LRFN5: variants seen among roughly 807,000 people sequenced by gnomAD.
LRFN5 encodes the protein leucine-rich repeat and fibronectin type-III domain-containing protein 5.
LRFN5 carries 24 observed loss-of-function variants against 45.6 expected under a neutral mutation model. The ratio of observed to expected loss-of-function variants is 0.53; its 90% CI spans 0.38 to 0.74. LRFN5 has a LOEUF of 0.74. LRFN5 is among the 30% of genes least tolerant of loss of function. LRFN5 has a pLI of 0.00. For synonymous variants in LRFN5, 340 were observed against 313.8 expected, an observed-to-expected ratio of 1.08 and a Z score of -0.88; for missense variants, 776 against 861.5, an observed-to-expected ratio of 0.90 and a Z score of 1.24.
At chr14:41,697,799 G>T (rs1882678661) in intron 1 of LRFN5, among the ~76,000 whole-genome samples, 1 of 151,052 alleles carries the variant, frequency 6.6e-6, no homozygotes, top group Non-Finnish European at 1.5e-5. Context: ...ATGAAATAAT[G>T]GTGTGTTTAC....
chr14:41,652,429 CAATA>C (rs1430716206), intron 1 of LRFN5, among the ~76,000 whole-genome samples: 1 of 151,912 alleles, frequency 6.6e-6, no homozygotes. Context: ...CTTAACGTAA[CAATA>C]AATAAAGGAG....
At position 41,767,636 on chromosome 14, in the gene LRFN5, T is replaced by C. The variant is rs115730607; in HGVS notation, c.-21+607T>C. Among the ~76,000 whole-genome samples the C allele has an allele frequency of 4.2e-3, 633 of 152,182 alleles. 6 individuals are homozygous for C. The highest frequency in any genetic ancestry group is 0.014 in the African/African-American group (601 of 41,504). ...GAAAAACAAAAGAAAATGAAAATCA[T>C]ATATAGGAAAATGAATTGAAATCAG... On this transcript the variant is annotated intron_variant, in intron 2 of 5. Transcript: ENST00000298119.
rs946966473 is a variant in LRFN5 at position 41,606,999 on chromosome 14, G to A, written c.-1760G>A. On this transcript the variant is annotated 5_prime_UTR_variant, in exon 1 of 6. Transcript: ENST00000298119. ...CGGGTCCGCCCCGGCCGCGGCCGCA[G>A]CCCCGGACCTCGGCTGCTTGCCTCG... Among the ~76,000 whole-genome samples, 62 of 152,200 alleles carry A rather than the reference G, an allele frequency of 4.1e-4. No homozygotes were observed. The highest frequency in any genetic ancestry group is 1.5e-3 in the African/African-American group (61 of 41,562).
chr14:41,647,768 T>C (rs1879887513), intron 1 of LRFN5, among the ~76,000 whole-genome samples: 1 of 152,048 alleles, frequency 6.6e-6, no homozygotes, highest in Non-Finnish European at 1.5e-5. Context: ...AAGAAGAGAT[T>C]TGATAGTCAT....
At chr14:41,904,076 G>A in intron 5 of LRFN5, 82 bp from the exon 6 acceptor site, 1 of 1,202,288 alleles carries the variant, frequency 8.3e-7, no homozygotes. Flanking sequence ...TAGATTGCTA[G>A]CACAATGATC....
intron 2 of LRFN5, among the ~76,000 whole-genome samples, chr14:41,783,394 T>C (rs780477602): frequency 2.0e-5 from 3 of 152,148 alleles, no homozygotes; most frequent in East Asian, 3.9e-4. Context: ...CCAGATTTCA[T>C]TGTGGCAGTT....
At chr14:41,894,296 T>G in intron 4 of LRFN5, 2 of 940,432 alleles carry the variant, frequency 2.1e-6, no homozygotes, top group Non-Finnish European at 2.5e-6. Context: ...TACTTATGTT[T>G]CTAATAAAGT....
intron 1 of LRFN5, among the ~76,000 whole-genome samples, chr14:41,707,191 T>C (rs1883102238): frequency 6.6e-6 from 1 of 152,204 alleles, no homozygotes; most frequent in Non-Finnish European, 1.5e-5. Context: ...AATTTTATCT[T>C]ACTAAGGTGG....
At chr14:41,823,300 C>T (rs1888186991) in intron 2 of LRFN5, among the ~76,000 whole-genome samples, 1 of 151,704 alleles carries the variant, frequency 6.6e-6, no homozygotes, top group South Asian at 2.1e-4. Context: ...TTTAGACGTC[C>T]TTTGATCATT....
intron 2 of LRFN5, among the ~76,000 whole-genome samples, chr14:41,776,953 A>G (rs1255148325): frequency 6.6e-6 from 1 of 152,020 alleles, no homozygotes; most frequent in Non-Finnish European, 1.5e-5. Flanking sequence ...TTTATTTAAT[A>G]ATGTATCCTT....
chr14:41,746,523 T>C (rs1594669747), intron 1 of LRFN5, among the ~76,000 whole-genome samples: 2 of 152,068 alleles, frequency 1.3e-5, no homozygotes, highest in East Asian at 3.9e-4. Flanking sequence ...AATAAAGGGG[T>C]GAGATGATAT....
At chr14:41,792,321 G>A (rs989992959) in intron 2 of LRFN5, among the ~76,000 whole-genome samples, 11 of 152,048 alleles carry the variant, frequency 7.2e-5, no homozygotes, top group African/African-American at 2.7e-4. Context: ...GTTCAGCTGT[G>A]CACGTATTAT....
intron 2 of LRFN5, among the ~76,000 whole-genome samples, chr14:41,848,393 C>T (rs1889143774): frequency 6.6e-6 from 1 of 151,420 alleles, no homozygotes; most frequent in Middle Eastern, 3.2e-3. Context: ...AAAAGTAAAA[C>T]AAACCCAAGG....
intron 1 of LRFN5, among the ~76,000 whole-genome samples, chr14:41,764,378 G>A (rs1358843320): frequency 2.0e-5 from 3 of 152,054 alleles, no homozygotes; most frequent in Admixed American, 1.3e-4. Flanking sequence ...GTTAACACAT[G>A]TTTTATGGTA....
intron 1 of LRFN5, among the ~76,000 whole-genome samples, chr14:41,765,652 T>C (rs144669526): frequency 1.2e-4 from 19 of 152,326 alleles, no homozygotes; most frequent in Middle Eastern, 3.4e-3. Context: ...AAATGATTGA[T>C]TTATATTCAT....
At chr14:41,833,188 T>A (rs1888544170) in intron 2 of LRFN5, among the ~76,000 whole-genome samples, 1 of 152,136 alleles carries the variant, frequency 6.6e-6, no homozygotes, top group South Asian at 2.1e-4. Flanking sequence ...ATTACAACCA[T>A]TATGACAATG....
At chr14:41,730,958 G>A (rs996589575) in intron 1 of LRFN5, among the ~76,000 whole-genome samples, 36 of 151,968 alleles carry the variant, frequency 2.4e-4, no homozygotes, top group African/African-American at 8.0e-4. Flanking sequence ...GTACCCAATG[G>A]AGTGGTCTAT....
intron 2 of LRFN5, among the ~76,000 whole-genome samples, chr14:41,871,561 C>A (rs1890020136): frequency 2.0e-5 from 3 of 149,832 alleles, no homozygotes; most frequent in Middle Eastern, 6.8e-3. Context: ...TGCACTCCAT[C>A]CTAGGCAACA....
intron 1 of LRFN5, among the ~76,000 whole-genome samples, chr14:41,698,640 C>G (rs1358627166): frequency 6.6e-6 from 1 of 152,068 alleles, no homozygotes; most frequent in Non-Finnish European, 1.5e-5. Flanking sequence ...CAAAACTACA[C>G]AATTACTAAG....
Sources: allele counts gnomAD v4.1 joint callset (sites outside exome capture counted in the v4.1 genomes callset), GRCh38; gene constraint gnomAD v4.1.1; transcripts MANE v1.5; gene names NCBI Gene and HGNC (gene_info 2026-07-23, HGNC 2026-07-21).